SLC12A7: variants seen among roughly 807,000 people sequenced by gnomAD.
SLC12A7 encodes the protein K-Cl cotransporter 4.
In SLC12A7, 100 loss-of-function variants were observed where a neutral mutation model predicts 120.6. That is an observed-to-expected ratio of 0.83 (90% CI 0.71 to 0.98). The LOEUF is 0.98. SLC12A7 is among the 50% of genes least tolerant of loss of function. SLC12A7 has a pLI of 0.00. For missense variants in SLC12A7, 1,373 were observed against 1,548.1 expected (o/e 0.89, Z 1.90); for synonymous variants, 760 against 678.0 (o/e 1.12, Z -1.88).
At chr5:1,127,704 G>C in the SLC12A7 span, among the ~76,000 whole-genome samples, 2 of 152,234 alleles carry the variant, frequency 1.3e-5, no homozygotes, top group African/African-American at 4.8e-5. Context: ...ATAGTACTAT[G>C]TCTCATGAAG....
upstream of SLC12A7, among the ~76,000 whole-genome samples, chr5:1,114,149 G>A (rs948106166): frequency 3.9e-5 from 6 of 152,256 alleles, no homozygotes; most frequent in Admixed American, 2.0e-4. Flanking sequence ...TTAGGGTCCT[G>A]TGGCAGCTCC....
At chr5:1,083,398 A>G (rs542940448) in intron 8 of SLC12A7, among the ~76,000 whole-genome samples, 80 of 152,292 alleles carry the variant, frequency 5.3e-4, no homozygotes, top group African/African-American at 1.8e-3. Context: ...CTCATCAGAG[A>G]AGGATACACA....
chr5:1,112,720 C>G (rs1162423297), upstream of SLC12A7, among the ~76,000 whole-genome samples: 14 of 136,408 alleles, frequency 1.0e-4, no homozygotes, highest in Admixed American at 8.9e-4. Context: ...TGTCAACACC[C>G]GCTCAGACCC....
intron 17 of SLC12A7, 55 bp downstream of exon 17, chr5:1,073,578 T>C: frequency 6.5e-7 from 1 of 1,541,442 alleles, no homozygotes; most frequent in South Asian, 1.2e-5. Flanking sequence ...AGGGCACGTT[T>C]CCTGTGCAGC....
rs200905878 is a variant in SLC12A7 at position 1,073,644 on chromosome 5, G to C, written c.2230C>G (p.Arg744Gly). Residue 744 changes from arginine to glycine, a missense_variant, in exon 17 of 24, where the codon CGG (arginine) becomes GGG (glycine). By Grantham distance (125) the Arg-to-Gly change is moderately radical. Transcript: ENST00000264930. ...TYLDKHMEAQRAEENIRSLMS... is the reference protein window; with the variant it reads ...TYLDKHMEAQGAEENIRSLMS... ...CCCGCCCGGCCCACCTCCTCGGCCC[G>C]CTGAGCCTCCATGTGCTTGTCCAGG... 38 of 1,602,614 alleles carry C rather than the reference G, an allele frequency of 2.4e-5. No individual in the cohort carries two copies. Among genetic ancestry groups the C allele is most frequent in the Non-Finnish European group, 2.6e-5 (31 of 1,175,502 alleles).
the SLC12A7 span, among the ~76,000 whole-genome samples, chr5:1,147,417 C>T: frequency 3.3e-5 from 5 of 151,722 alleles, no homozygotes; most frequent in Non-Finnish European, 7.4e-5. Context: ...AGAGACCCGC[C>T]GAGGGTCCCA....
rs761987528 is a variant in SLC12A7 at position 1,076,779 on chromosome 5, T to G, written c.1663A>C (p.Thr555Pro). The G allele has an allele frequency of 6.2e-7, 1 of 1,610,974 alleles. No individual in the cohort carries two copies. The highest frequency in any genetic ancestry group is 1.1e-5 in the South Asian group (1 of 91,070). Residue 555 changes from threonine (T) to proline (P), a missense_variant, in exon 13 of 24, where the codon ACG (threonine) becomes CCG (proline). Thr to Pro is a conservative substitution (Grantham distance 38). Coordinates refer to ENST00000264930, the MANE Select transcript of SLC12A7 (RefSeq NM_006598.3). ...FGHGKANGEP[T>P]WALLLTVLIC... ...AGGACTGTCAGCAGCAGCGCCCACG[T>G]GGGCTCCCCGTTGGCCTTCCCGTGG... is the stretch of plus-strand genomic sequence containing the variant.
chr5:1,051,993 A>C lies in SLC12A7; in HGVS notation c.*367T>G. On this transcript the variant is annotated 3_prime_UTR_variant, in exon 24 of 24. Transcript: ENST00000264930. ...CAAGAATGTTCTGGATGGGGTAGAA[A>C]TGCAACCTAACCACTGGGTAAATCC... The C allele has an allele frequency of 3.6e-6, 1 of 280,394 alleles. No individual in the cohort carries two copies. 17.4% of individuals were successfully genotyped at this position (280,394 alleles called of 1,614,324 possible).
intron 17 of SLC12A7, among the ~76,000 whole-genome samples, chr5:1,068,848 C>T (rs934298518): frequency 6.6e-6 from 1 of 152,276 alleles, no homozygotes; most frequent in Admixed American, 6.5e-5. Context: ...CCCCCAGTCA[C>T]TGCAATCCCT....
chr5:1,109,230 G>A (rs577649654), intron 1 of SLC12A7, among the ~76,000 whole-genome samples: 2 of 152,162 alleles, frequency 1.3e-5, no homozygotes, highest in African/African-American at 2.4e-5. Context: ...CAGGGTCTCC[G>A]AGGCCTCTGG....
chr5:1,130,419 G>C, the SLC12A7 span, among the ~76,000 whole-genome samples: 1 of 150,340 alleles, frequency 6.7e-6, no homozygotes, highest in Non-Finnish European at 1.5e-5. Context: ...AGCTTGAGCT[G>C]TGGGAGGAAG....
intron 2 of SLC12A7, 62 bp downstream of exon 2, chr5:1,094,092 C>A (rs1387993079): frequency 1.4e-6 from 2 of 1,435,846 alleles, no homozygotes; most frequent in Admixed American, 3.4e-5. Flanking sequence ...CCAGGGGCTC[C>A]TTTACTTTTC....
chr5:1,091,539 T>C (rs1356458281), intron 3 of SLC12A7, among the ~76,000 whole-genome samples: 2 of 152,206 alleles, frequency 1.3e-5, no homozygotes, highest in Non-Finnish European at 2.9e-5. Context: ...AGGGAAGGCC[T>C]GTGGCTCCTG....
At chr5:1,060,541 C>A (rs1366926756) in intron 20 of SLC12A7, 90 bp from the exon 21 acceptor site, 8 of 954,932 alleles carry the variant, frequency 8.4e-6, no homozygotes, top group Non-Finnish European at 1.3e-5. Context: ...ACCGAGCCGC[C>A]CTGAGCGGTG....
At chr5:1,101,428 A>G (rs4590217) in intron 1 of SLC12A7, among the ~76,000 whole-genome samples, 2,634 of 152,240 alleles carry the variant, frequency 0.017, 90 homozygotes, top group African/African-American at 0.06. Flanking sequence ...TCCAGGCCCC[A>G]GAACCACAGC....
intron 8 of SLC12A7, among the ~76,000 whole-genome samples, 194 bp from the exon 9 acceptor site, chr5:1,081,938 G>A (rs1052568268): frequency 9.2e-5 from 14 of 152,380 alleles, no homozygotes; most frequent in Admixed American, 1.3e-4. Context: ...CTGCGTCTAC[G>A]GAGGGAAGGT....
intron 17 of SLC12A7, 40 bp from the exon 18 acceptor site, chr5:1,065,518 G>C: frequency 6.6e-7 from 1 of 1,514,508 alleles, no homozygotes; most frequent in Non-Finnish European, 8.9e-7. Flanking sequence ...AGCAGGAATG[G>C]GGTGCACAGA....
At chr5:1,073,499 A>G (rs982871192) in intron 17 of SLC12A7, 134 bp downstream of exon 17, 4 of 1,043,988 alleles carry the variant, frequency 3.8e-6, no homozygotes, top group Non-Finnish European at 4.0e-6. Flanking sequence ...GCTCAAAGCC[A>G]CCGCCACGGC....
chr5:1,118,681 G>A, the SLC12A7 span, among the ~76,000 whole-genome samples: 4 of 152,258 alleles, frequency 2.6e-5, no homozygotes, highest in South Asian at 4.1e-4. Context: ...TGGACCTGAC[G>A]TAGGCCTCAG....
Sources: allele counts gnomAD v4.1 joint callset (sites outside exome capture counted in the v4.1 genomes callset), GRCh38; gene constraint gnomAD v4.1.1; transcripts MANE v1.5; gene names NCBI Gene and HGNC (gene_info 2026-07-23, HGNC 2026-07-21).